DLGAP2: variants seen among roughly 807,000 people sequenced by gnomAD.
DLGAP2 encodes the protein DLG associated protein 2.
DLGAP2 carries 26 observed loss-of-function variants against 100.3 expected under a neutral mutation model. That is an observed-to-expected ratio of 0.26 (90% CI 0.19 to 0.36). The LOEUF (loss-of-function observed/expected upper bound fraction) is 0.36. DLGAP2 is among the 10% of genes least tolerant of loss of function. The pLI is 1.00. For synonymous variants in DLGAP2, 886 were observed against 630.1 expected (o/e 1.41, Z -6.08); for missense variants, 1,858 against 1,453.2 (o/e 1.28, Z -4.53).
intron 3 of DLGAP2, among the ~76,000 whole-genome samples, chr8:1,387,108 A>G (rs987976881): frequency 1.3e-5 from 2 of 152,196 alleles, no homozygotes; most frequent in Admixed American, 1.3e-4. Context: ...CAGGTATCAT[A>G]TAGCAAAACA....
In DLGAP2 at chr8:946,461, C is replaced by A. The variant is rs560091916; in HGVS notation, c.73+38495C>A. Reference sequence around the variant, plus strand: ...TGTAGTTTTTGTAGAGACGGGGTTTCACCATATTAGCCAGGATGGTCTCGA... The same window carrying A: ...TGTAGTTTTTGTAGAGACGGGGTTTAACCATATTAGCCAGGATGGTCTCGA... On this transcript the variant is annotated intron_variant, in intron 2 of 14. Transcript: ENST00000637795. 1.5e-4 allele frequency among the ~76,000 whole-genome samples: 23 copies of A among 152,118 alleles called. No homozygotes were observed. In the East Asian group the frequency reaches 3.9e-3, roughly 26 times the overall value.
chr8:1,494,894 C>G (rs6989699), intron 3 of DLGAP2, among the ~76,000 whole-genome samples: 1 of 152,150 alleles, frequency 6.6e-6, no homozygotes, highest in African/African-American at 2.4e-5. Flanking sequence ...CTTAACTTCC[C>G]CAGGCGTCAA....
At chr8:1,625,818 A>G (rs981225816) in intron 6 of DLGAP2, among the ~76,000 whole-genome samples, 1 of 152,256 alleles carries the variant, frequency 6.6e-6, no homozygotes, top group Non-Finnish European at 1.5e-5. Flanking sequence ...AGCCTCCCCT[A>G]TTACTTTTGA....
chr8:1,647,268 T>A (rs1222664201), intron 8 of DLGAP2, among the ~76,000 whole-genome samples: 1 of 151,982 alleles, frequency 6.6e-6, no homozygotes, highest in Non-Finnish European at 1.5e-5. Flanking sequence ...CACAGTTAGA[T>A]GGGATAAAAA....
At chr8:1,316,414 C>T (rs867066296) in intron 3 of DLGAP2, among the ~76,000 whole-genome samples, 224 of 124,238 alleles carry the variant, frequency 1.8e-3, no homozygotes, top group Middle Eastern at 0.012. Flanking sequence ...AGAGCGTGTG[C>T]GAGTGCAGCG....
At chr8:1,590,228 G>A (rs890331514) in intron 6 of DLGAP2, among the ~76,000 whole-genome samples, 2 of 152,136 alleles carry the variant, frequency 1.3e-5, no homozygotes, top group Non-Finnish European at 2.9e-5. Context: ...ATTTCCAAGC[G>A]AGGTCATGTT....
At chr8:1,065,751 T>C (rs2129036105) in intron 2 of DLGAP2, among the ~76,000 whole-genome samples, 1 of 152,356 alleles carries the variant, frequency 6.6e-6, no homozygotes, top group South Asian at 2.1e-4. Flanking sequence ...CGTTTGCTCC[T>C]TGTGGGGGCA....
intron 3 of DLGAP2, among the ~76,000 whole-genome samples, chr8:1,282,494 CGTG>C (rs1799837782): frequency 7.7e-6 from 1 of 129,138 alleles, no homozygotes; most frequent in African/African-American, 2.8e-5. Context: ...GAACCCAGCA[CGTG>C]AACCATCCAG....
chr8:1,309,517 A>G (rs571108847), intron 3 of DLGAP2, among the ~76,000 whole-genome samples: 1 of 152,366 alleles, frequency 6.6e-6, no homozygotes, highest in South Asian at 2.1e-4. Context: ...ATCCTTCACA[A>G]TGAAGGAGGA....
At chr8:1,254,570 C>A (rs893443114) in intron 2 of DLGAP2, among the ~76,000 whole-genome samples, 3 of 152,136 alleles carry the variant, frequency 2.0e-5, no homozygotes, top group Non-Finnish European at 2.9e-5. Flanking sequence ...GGGAAAATCA[C>A]GATCTATGGC....
At chr8:1,529,391 G>T (rs1385772908) in intron 4 of DLGAP2, among the ~76,000 whole-genome samples, 1 of 152,104 alleles carries the variant, frequency 6.6e-6, no homozygotes, top group Non-Finnish European at 1.5e-5. Flanking sequence ...ACAAAGCCTG[G>T]CCATATCACC....
intron 2 of DLGAP2, among the ~76,000 whole-genome samples, chr8:979,526 G>A (rs989576916): frequency 6.6e-6 from 1 of 152,210 alleles, no homozygotes; most frequent in Non-Finnish European, 1.5e-5. Flanking sequence ...TGTGAAATTT[G>A]AGAAAAAAGT....
chr8:1,648,563 G>C (rs997943759), intron 8 of DLGAP2, among the ~76,000 whole-genome samples: 1 of 152,012 alleles, frequency 6.6e-6, no homozygotes, highest in Non-Finnish European at 1.5e-5. Context: ...CCCCTCATTG[G>C]TCCCCTCCGG....
At chr8:1,191,404 T>A (rs1797635490) in intron 2 of DLGAP2, among the ~76,000 whole-genome samples, 1 of 152,128 alleles carries the variant, frequency 6.6e-6, no homozygotes, top group Non-Finnish European at 1.5e-5. Context: ...TCTCCTGACC[T>A]TGTGATCTGC....
Position 1,549,082 on chromosome 8 carries a change from T to G in DLGAP2, c.629T>G (p.Leu210Arg). ...LPLHRDGFHTLQYQRTSAAAE... is the reference protein window; with the variant it reads ...LPLHRDGFHTRQYQRTSAAAE... The stretch of plus-strand genomic sequence containing the variant: ...CTGCACCGGGACGGCTTCCACACGC[T>G]GCAGTACCAGAGGACGTCCGCGGCC... The change falls in exon 5 of 15, where the codon CTG (leucine) becomes CGG (arginine). Residue 210 changes from leucine (L) to arginine (R), a missense_variant. Coordinates refer to ENST00000637795, the MANE Select transcript of DLGAP2 (RefSeq NM_001346810.2). 1 of 1,587,356 alleles carries G rather than the reference T, an allele frequency of 6.3e-7. No individual in the cohort carries two copies. The highest frequency in any genetic ancestry group is 8.5e-7 in the Non-Finnish European group (1 of 1,170,374).
At chr8:1,522,512 C>G (rs916945800) in intron 4 of DLGAP2, among the ~76,000 whole-genome samples, 1 of 152,166 alleles carries the variant, frequency 6.6e-6, no homozygotes, top group African/African-American at 2.4e-5. Flanking sequence ...TCACCATGCC[C>G]GGGAAGCTGG....
chr8:821,702 C>G (rs1208962066), intron 1 of DLGAP2, among the ~76,000 whole-genome samples: 2 of 152,148 alleles, frequency 1.3e-5, no homozygotes, highest in African/African-American at 4.8e-5. Flanking sequence ...TCACAGATAG[C>G]TATTTTTCAT....
intron 3 of DLGAP2, among the ~76,000 whole-genome samples, chr8:1,498,284 A>T (rs767166813): frequency 6.6e-6 from 1 of 152,142 alleles, no homozygotes; most frequent in African/African-American, 2.4e-5. Flanking sequence ...ATCAGAGTCA[A>T]TTCTCTCCTG....
chr8:1,449,416 C>T (rs920792481), intron 3 of DLGAP2, among the ~76,000 whole-genome samples: 3 of 152,106 alleles, frequency 2.0e-5, no homozygotes, highest in Non-Finnish European at 4.4e-5. Context: ...CAGGGGGACT[C>T]GAGTTTGACA....
Sources: gnomAD v4.1 joint callset for allele counts (sites outside exome capture counted in the v4.1 genomes callset) on GRCh38, gnomAD v4.1.1 for gene constraint, MANE v1.5 for transcripts, NCBI Gene and HGNC (gene_info 2026-07-23, HGNC 2026-07-21) for gene names.